Variants in IL1RAPL2 observed in about 807,000 individuals in gnomAD.
IL1RAPL2 encodes interleukin 1 receptor accessory protein like 2.
In IL1RAPL2, 3 loss-of-function variants were observed where a neutral mutation model predicts 44.1. The observed-to-expected ratio is 0.07, with a 90% CI of 0.03 to 0.18. IL1RAPL2 has a LOEUF of 0.18. Ranked by LOEUF, IL1RAPL2 falls within the 10% of genes least tolerant of loss-of-function variation. IL1RAPL2 has a pLI of 1.00. For synonymous variants in IL1RAPL2, 181 were observed against 178.8 expected (o/e 1.01, Z -0.10); for missense variants, 391 against 496.4 (o/e 0.79, Z 2.02).
chrX:105,217,651 A>G (rs782463271), intron 3 of IL1RAPL2, among the ~76,000 whole-genome samples: 2 of 112,179 alleles, frequency 1.8e-5, no homozygotes, highest in Non-Finnish European at 3.8e-5. Flanking sequence ...ACATGCACAC[A>G]TATGTTTATT....
At chrX:105,005,853 G>T (rs577690322) in intron 2 of IL1RAPL2, among the ~76,000 whole-genome samples, 2 of 110,691 alleles carry the variant, frequency 1.8e-5, no homozygotes, top group African/African-American at 6.5e-5. Context: ...CTATAGTTTC[G>T]TTCAGAAATC....
Position 105,767,524 on chromosome X carries a change from T to G in IL1RAPL2, c.1924T>G (p.Cys642Gly), listed in dbSNP as rs764888804. ...VPSLGNHHTY[C>G]NLPLTLLNGQ... Reference sequence around the variant, plus strand: ...TTCCTTAGGCAACCACCATACTTATTGTAACCTGCCTCTGACGCTACTCAA... The same window carrying G: ...TTCCTTAGGCAACCACCATACTTATGGTAACCTGCCTCTGACGCTACTCAA... Residue 642 changes from cysteine (C) to glycine (G), a missense_variant, in exon 11 of 11, where the codon TGT (cysteine) becomes GGT (glycine). This residue lies in a region of IL1RAPL2 where 232 missense variants were observed against 244.8 expected (regional missense o/e 0.95). Coordinates refer to ENST00000372582, the MANE Select transcript of IL1RAPL2 (RefSeq NM_017416.2). 8.3e-7 allele frequency: 1 copy of G among 1,209,042 alleles called. No individual in the cohort carries two copies. The highest frequency in any genetic ancestry group is 1.8e-5 in the African/African-American group (1 of 57,020).
At chrX:104,826,503 T>G (rs914821471) in intron 2 of IL1RAPL2, among the ~76,000 whole-genome samples, 7 of 111,814 alleles carry the variant, frequency 6.3e-5, no homozygotes, top group Non-Finnish European at 1.1e-4. Flanking sequence ...TCCATTCTTT[T>G]GCATTTGCGA....
chrX:104,750,275 G>A lies in IL1RAPL2; in HGVS notation c.82+91280G>A, dbSNP rs764861515. ...AGATGTTATTAATGGTCACCATTCA[G>A]CCTTTTATTTGCAATGAAGCCAAAG... On this transcript the variant is annotated intron_variant, in intron 2 of 10. Transcript: ENST00000372582. Among the ~76,000 whole-genome samples, 13 of 111,410 alleles carry A rather than the reference G, an allele frequency of 1.2e-4. No homozygotes were observed. The South Asian group carries it at 4.9e-3, about 42-fold the overall frequency.
intron 6 of IL1RAPL2, among the ~76,000 whole-genome samples, chrX:105,665,753 T>TTTTTTTTTTGTTG (rs2037759802): frequency 2.9e-5 from 2 of 69,307 alleles, no homozygotes; most frequent in Non-Finnish European, 5.5e-5. Context: ...TTTTTTTTTT[T>TTTTTTTTTTGTTG]TTGTTGTTGT....
At chrX:104,606,055 G>T (rs187760915) in intron 1 of IL1RAPL2, among the ~76,000 whole-genome samples, 1 of 111,872 alleles carries the variant, frequency 8.9e-6, no homozygotes, top group African/African-American at 3.3e-5. Flanking sequence ...GATGAACATC[G>T]ATGTGAAAAT....
chrX:104,971,506 C>T (rs1402213542), intron 2 of IL1RAPL2, among the ~76,000 whole-genome samples: 1 of 111,039 alleles, frequency 9.0e-6, no homozygotes, highest in East Asian at 2.8e-4. Flanking sequence ...GAATGTTAAC[C>T]TCAATCTGTC....
intron 2 of IL1RAPL2, among the ~76,000 whole-genome samples, chrX:104,745,039 A>AG (rs1457558894): frequency 1.2e-5 from 1 of 84,210 alleles, no homozygotes; most frequent in African/African-American, 3.8e-5. Context: ...TGTGACAAAT[A>AG]GAAAAAAAAA....
At chrX:104,955,479 GAT>G (rs10669100) in intron 2 of IL1RAPL2, among the ~76,000 whole-genome samples, 10 of 102,097 alleles carry the variant, frequency 9.8e-5, no homozygotes, top group Admixed American at 2.2e-4. Context: ...TATACTCCCA[GAT>G]ATATATATAT....
intron 6 of IL1RAPL2, among the ~76,000 whole-genome samples, chrX:105,604,185 G>C (rs1395468943): frequency 9.1e-6 from 1 of 109,897 alleles, no homozygotes; most frequent in East Asian, 2.8e-4. Context: ...AAATAGATAC[G>C]TAAAAAACAA....
At chrX:104,856,763 A>C (rs1288146306) in intron 2 of IL1RAPL2, among the ~76,000 whole-genome samples, 1 of 112,023 alleles carries the variant, frequency 8.9e-6, no homozygotes, top group African/African-American at 3.2e-5. Flanking sequence ...TCAAAAACTA[A>C]ATTAATATAT....
intron 2 of IL1RAPL2, among the ~76,000 whole-genome samples, chrX:104,744,230 C>T (rs1932137845): frequency 9.0e-6 from 1 of 110,711 alleles, no homozygotes; most frequent in Non-Finnish European, 1.9e-5. Context: ...ATAAGGATAA[C>T]CGCACTTCAG....
intron 6 of IL1RAPL2, among the ~76,000 whole-genome samples, chrX:105,521,346 AAAAC>A (rs1489468866): frequency 7.2e-5 from 8 of 110,765 alleles, no homozygotes; most frequent in African/African-American, 2.6e-4. Context: ...TCTGGAGAGA[AAAAC>A]AACAACAGTG....
chrX:105,079,473 G>T (rs1040858951), intron 2 of IL1RAPL2, among the ~76,000 whole-genome samples: 1 of 109,196 alleles, frequency 9.2e-6, no homozygotes, highest in Non-Finnish European at 1.9e-5. Context: ...TTCTTGTGAT[G>T]GTTTGCTGAG....
chrX:105,501,648 C>T (rs764039039), intron 6 of IL1RAPL2, among the ~76,000 whole-genome samples: 4 of 111,101 alleles, frequency 3.6e-5, no homozygotes, highest in Admixed American at 9.6e-5. Context: ...ACAACAACAA[C>T]GACAAACCCA....
intron 6 of IL1RAPL2, among the ~76,000 whole-genome samples, chrX:105,664,508 C>G (rs2037743376): frequency 8.9e-6 from 1 of 111,777 alleles, no homozygotes; most frequent in African/African-American, 3.3e-5. Context: ...AATGAGAACC[C>G]TTTTCCTGGA....
intron 5 of IL1RAPL2, among the ~76,000 whole-genome samples, chrX:105,270,897 G>A (rs766325058): frequency 9.0e-6 from 1 of 111,435 alleles, no homozygotes; most frequent in African/African-American, 3.3e-5. Context: ...GTAAATAGAG[G>A]TTCTTTAAAT....
chrX:104,840,400 C>T (rs1052849177), intron 2 of IL1RAPL2, among the ~76,000 whole-genome samples: 1 of 111,833 alleles, frequency 8.9e-6, no homozygotes, highest in Admixed American at 9.5e-5. Flanking sequence ...ATCCTGTGTT[C>T]TAATTTGATT....
chrX:105,626,896 T>A, intron 6 of IL1RAPL2, among the ~76,000 whole-genome samples: 1 of 111,538 alleles, frequency 9.0e-6, no homozygotes, highest in Non-Finnish European at 1.9e-5. Flanking sequence ...CTGGAGAAAT[T>A]GTATAGCCTG....
Sources: allele counts gnomAD v4.1 joint callset (sites outside exome capture counted in the v4.1 genomes callset), GRCh38; gene constraint gnomAD v4.1.1; regional missense constraint gnomAD v4.1.1; transcripts MANE v1.5; gene names NCBI Gene and HGNC (gene_info 2026-07-23, HGNC 2026-07-21).